The following CNTNAP4 variants were observed in gnomAD, a reference collection of about 807,000 sequenced individuals.
CNTNAP4 encodes contactin-associated protein-like 4.
A neutral mutation model predicts 148.4 loss-of-function variants in CNTNAP4; 98 were observed. That is an observed-to-expected ratio of 0.66 (90% CI 0.56 to 0.78). The LOEUF is 0.78. Among genes scored for constraint, CNTNAP4 ranks in the 30% least tolerant of loss-of-function variants. CNTNAP4 has a pLI of 0.00. For missense variants in CNTNAP4, 1,935 were observed against 1,565.6 expected (o/e 1.24, Z -3.98); for synonymous variants, 730 against 565.1 (o/e 1.29, Z -4.14).
chr16:76,441,217 CAA>C (rs1248591286), intron 4 of CNTNAP4, among the ~76,000 whole-genome samples: 1 of 151,966 alleles, frequency 6.6e-6, no homozygotes, highest in African/African-American at 2.4e-5. Flanking sequence ...TTCAAAAAAA[CAA>C]AAAGTGTTCT....
intron 3 of CNTNAP4, among the ~76,000 whole-genome samples, chr16:76,426,162 T>C (rs1278277665): frequency 1.3e-5 from 2 of 152,118 alleles, no homozygotes; most frequent in Non-Finnish European, 2.9e-5. Flanking sequence ...AGGGGATTGA[T>C]TGACAAGGAG....
intron 4 of CNTNAP4, among the ~76,000 whole-genome samples, chr16:76,436,255 A>G (rs1240840394): frequency 6.6e-6 from 1 of 152,052 alleles, no homozygotes; most frequent in Non-Finnish European, 1.5e-5. Context: ...GCTACTGGGG[A>G]TGGGAAAGCT....
chr16:76,522,328 A>G (rs2083489203), intron 17 of CNTNAP4, 71 bp downstream of exon 17: 1 of 1,231,136 alleles, frequency 8.1e-7, no homozygotes, highest in African/African-American at 1.5e-5. Context: ...ATAAAATAAT[A>G]CCAACTATAG....
chr16:76,453,588 C>G (rs969097972), intron 8 of CNTNAP4, among the ~76,000 whole-genome samples: 1 of 151,984 alleles, frequency 6.6e-6, no homozygotes, highest in African/African-American at 2.4e-5. Flanking sequence ...AATAAATAAT[C>G]TTTAAAAACA....
intron 3 of CNTNAP4, among the ~76,000 whole-genome samples, chr16:76,382,060 C>CAAAAAA (rs67028367): frequency 2.8e-4 from 15 of 53,326 alleles, no homozygotes; most frequent in East Asian, 1.7e-3. Flanking sequence ...GACTCCGTCT[C>CAAAAAA]AAAAAAAAAA....
rs1451532899 is a variant in CNTNAP4 at position 76,560,689 on chromosome 16, C to T, written c.*2006C>T. On this transcript the variant is annotated 3_prime_UTR_variant, in exon 24 of 24. Transcript: ENST00000611870. ...TGGAAATGCATTGACACATCCTATG[C>T]CATGACTTTAATTTCCTGATTTGTA... 6.6e-6 allele frequency among the ~76,000 whole-genome samples: 1 copy of T among 152,156 alleles called. No individual in the cohort carries two copies. Among genetic ancestry groups the T allele is most frequent in the Non-Finnish European group, 1.5e-5 (1 of 68,024 alleles).
Position 76,548,295 on chromosome 16 carries a change from C to CATTTTTTTTTTT in CNTNAP4, c.3443-4988_3443-4987insATTTTTTTTTTT, listed in dbSNP as rs759580311. Among the ~76,000 whole-genome samples, 14 of 92,932 alleles carry CATTTTTTTTTTT rather than the reference C, an allele frequency of 1.5e-4. 3 individuals are homozygous for CATTTTTTTTTTT. The highest frequency in any genetic ancestry group is 3.6e-4 in the East Asian group (1 of 2,768). The allele number at this position is 92,932 out of a possible 152,430, so 61.0% of individuals were successfully genotyped here. A position where few individuals can be genotyped will look rare whatever the true frequency, so the allele number is the denominator to read the frequency against. ...CCCTGGCTCTCTTGATTCACTGCAC[C>CATTTTTTTTTTT]TTTTTTTTTTTTTTTTTTTTTTTTG... On this transcript the variant is annotated intron_variant, in intron 21 of 23. Coordinates refer to ENST00000611870, the MANE Select transcript of CNTNAP4 (RefSeq NM_033401.5).
At chr16:76,501,395 C>T (rs544322169) in intron 15 of CNTNAP4, among the ~76,000 whole-genome samples, 1 of 152,328 alleles carries the variant, frequency 6.6e-6, no homozygotes, top group East Asian at 1.9e-4. Flanking sequence ...GCCAAAACCC[C>T]TGCCTATTTG....
At chr16:76,338,750 G>A (rs544804436) in intron 2 of CNTNAP4, among the ~76,000 whole-genome samples, 64 of 152,252 alleles carry the variant, frequency 4.2e-4, no homozygotes, top group African/African-American at 1.5e-3. Flanking sequence ...GACTTTACCA[G>A]ATCTTTGTAA....
Position 76,558,896 on chromosome 16 carries a change from T to G in CNTNAP4, c.*213T>G, listed in dbSNP as rs962714943. 1.7e-5 allele frequency: 7 copies of G among 410,772 alleles called. No homozygotes were observed. Among genetic ancestry groups the G allele is most frequent in the Non-Finnish European group, 3.0e-5 (7 of 232,174 alleles). The allele number at this position is 410,772 out of a possible 1,614,324, so 25.4% of individuals were successfully genotyped here. On this transcript the variant is annotated 3_prime_UTR_variant, in exon 24 of 24. Coordinates refer to ENST00000611870, the MANE Select transcript of CNTNAP4 (RefSeq NM_033401.5). Reference sequence around the variant, plus strand: ...TTCTATGGAACAAGAAATTAGATATTGCTGTTAATTTTCAACTGTTCTGGT... The same window carrying G: ...TTCTATGGAACAAGAAATTAGATATGGCTGTTAATTTTCAACTGTTCTGGT...
In CNTNAP4 at chr16:76,553,313, T is replaced by C. The variant is rs766603802; in HGVS notation, c.3473T>C (p.Leu1158Pro). Residue 1158 changes from leucine to proline, a missense_variant, in exon 22 of 24, where the codon CTG (leucine) becomes CCG (proline). By Grantham distance (98) the Leu-to-Pro change is moderately conservative. Coordinates refer to ENST00000611870, the MANE Select transcript of CNTNAP4 (RefSeq NM_033401.5). ...AGTGATGTGGACCAGGATACTGCAC[T>C]GGCAGGTGCGCAGGGCTTCACAGGC... Reference protein sequence around the residue: ...EHSDVDQDTALAGAQGFTGCL... With the variant: ...EHSDVDQDTAPAGAQGFTGCL... The C allele has an allele frequency of 6.2e-7, 1 of 1,612,010 alleles. No individual in the cohort carries two copies. Among genetic ancestry groups the C allele is most frequent in the Non-Finnish European group, 8.5e-7 (1 of 1,178,534 alleles).
intron 8 of CNTNAP4, among the ~76,000 whole-genome samples, chr16:76,458,792 G>A (rs77510820): frequency 0.037 from 5,558 of 152,186 alleles, 190 homozygotes; most frequent in African/African-American, 0.088. Context: ...GATTGGGGAC[G>A]CCTATTTTTG....
intron 3 of CNTNAP4, among the ~76,000 whole-genome samples, chr16:76,410,966 G>C (rs6564330): frequency 0.36 from 53,681 of 150,978 alleles, 10,948 homozygotes; most frequent in Non-Finnish European, 0.44. Flanking sequence ...TGGTACTCAG[G>C]TAAATAAGAC....
intron 3 of CNTNAP4, among the ~76,000 whole-genome samples, chr16:76,368,028 A>C (rs999341912): frequency 2.0e-5 from 3 of 152,182 alleles, no homozygotes; most frequent in African/African-American, 7.2e-5. Context: ...GAATTTTAAA[A>C]ATATTCCCAA....
chr16:76,533,576 G>T (rs1431585099), intron 17 of CNTNAP4, among the ~76,000 whole-genome samples: 1 of 151,948 alleles, frequency 6.6e-6, no homozygotes, highest in Non-Finnish European at 1.5e-5. Flanking sequence ...ACAACATTAT[G>T]TACCCCATAA....
At chr16:76,299,354 C>G (rs1452843975) in intron 1 of CNTNAP4, among the ~76,000 whole-genome samples, 2 of 152,158 alleles carry the variant, frequency 1.3e-5, no homozygotes, top group Non-Finnish European at 2.9e-5. Flanking sequence ...AGACACTTCA[C>G]AAAAGAAGAC....
intron 17 of CNTNAP4, among the ~76,000 whole-genome samples, chr16:76,529,081 A>G (rs1452264353): frequency 1.3e-5 from 2 of 152,226 alleles, no homozygotes; most frequent in African/African-American, 2.4e-5. Context: ...CAGCAACGCA[A>G]TGAACATCTC....
At chr16:76,386,068 C>T (rs951522383) in intron 3 of CNTNAP4, among the ~76,000 whole-genome samples, 1 of 152,162 alleles carries the variant, frequency 6.6e-6, no homozygotes, top group Non-Finnish European at 1.5e-5. Context: ...GAAGCAGGTA[C>T]GTTGGGCAGC....
intron 3 of CNTNAP4, among the ~76,000 whole-genome samples, chr16:76,421,604 A>G (rs1292405421): frequency 6.6e-6 from 1 of 152,140 alleles, no homozygotes; most frequent in Non-Finnish European, 1.5e-5. Context: ...CACATTTAGT[A>G]AAGATTTATA....
Sources: gnomAD v4.1 joint callset for allele counts (sites outside exome capture counted in the v4.1 genomes callset) on GRCh38, gnomAD v4.1.1 for gene constraint, MANE v1.5 for transcripts, NCBI Gene and HGNC (gene_info 2026-07-23, HGNC 2026-07-21) for gene names.